NMNAT1: variants seen among roughly 807,000 people sequenced by gnomAD.
NMNAT1 encodes the protein nicotinamide nucleotide adenylyltransferase 1.
In NMNAT1, 11 loss-of-function variants were observed where a neutral mutation model predicts 16.7. That is an observed-to-expected ratio of 0.66 (90% confidence interval 0.41 to 1.09). The LOEUF (loss-of-function observed/expected upper bound fraction) is 1.09, where lower values mean the gene tolerates loss of function less well. Among genes scored for constraint, NMNAT1 ranks in the 50% least tolerant of loss-of-function variants. The pLI, the probability that NMNAT1 is intolerant of heterozygous loss-of-function variation, is 0.00. For missense variants in NMNAT1, 280 were observed against 332.3 expected (o/e 0.84, Z 1.22); for synonymous variants, 110 against 119.8 (o/e 0.92, Z 0.53).
chr1:9,991,169 T>A, the NMNAT1 span, among the ~76,000 whole-genome samples: 3 of 148,802 alleles, frequency 2.0e-5, no homozygotes, highest in Admixed American at 7.1e-5. Context: ...CATATCCTGT[T>A]CTCTTAGTCA....
At chr1:9,968,709 T>C (rs923150533) in intron 1 of NMNAT1, among the ~76,000 whole-genome samples, 27 of 145,368 alleles carry the variant, frequency 1.9e-4, no homozygotes, top group African/African-American at 6.8e-4. Flanking sequence ...AGGCGGAGCT[T>C]GCAGTGAGTC....
intron 1 of NMNAT1, among the ~76,000 whole-genome samples, chr1:9,971,790 C>T (rs1040521574): frequency 6.6e-6 from 1 of 151,904 alleles, no homozygotes; most frequent in Non-Finnish European, 1.5e-5. Context: ...TAGCAAGACC[C>T]CCATCTCTAC....
chr1:9,956,383 C>T (rs1266735035), intron 1 of NMNAT1, among the ~76,000 whole-genome samples: 1 of 148,696 alleles, frequency 6.7e-6, no homozygotes, highest in African/African-American at 2.5e-5. Flanking sequence ...GTTGGCCATG[C>T]TGATCTCGAA....
In NMNAT1 at chr1:9,955,129, G is replaced by A. The variant is rs111305702; in HGVS notation, c.-57+11614G>A. On this transcript the variant is annotated intron_variant, in intron 1 of 4. Transcript: ENST00000377205. ...GTGAAACCCCATCTCTAAGCTGGGC[G>A]CGGTGGCTCACGCCTGTAATCCCAG... 7.7e-3 allele frequency among the ~76,000 whole-genome samples: 1,152 copies of A among 149,984 alleles called. 17 individuals are homozygous for A. The highest frequency in any genetic ancestry group is 0.027 in the African/African-American group (1,108 of 40,822).
At chr1:9,981,785 C>CT (rs1406335902) in intron 4 of NMNAT1, 1 of 154,044 alleles carries the variant, frequency 6.5e-6, no homozygotes, top group Non-Finnish European at 1.4e-5. Context: ...GCAGTGGTCT[C>CT]TAATCTTTGA....
Position 9,982,414 on chromosome 1 carries a change from T to C in NMNAT1, c.553T>C (p.Cys185Arg), listed in dbSNP as rs960609793. ...TQIVANYGLICVTRAGNDAQK... is the reference protein window; with the variant it reads ...TQIVANYGLIRVTRAGNDAQK... Reference sequence around the variant, plus strand: ...AATCGTGGCCAACTATGGGCTCATATGTGTTACTCGGGCTGGAAATGATGC... The same window carrying C: ...AATCGTGGCCAACTATGGGCTCATACGTGTTACTCGGGCTGGAAATGATGC... The change falls in exon 5 of 5, where the codon TGT (cysteine) becomes CGT (arginine). Residue 185 changes from cysteine to arginine, a missense_variant. Transcript: ENST00000377205. 8.1e-6 allele frequency: 13 copies of C among 1,614,050 alleles called. No individual in the cohort carries two copies. Among genetic ancestry groups the C allele is most frequent in the Non-Finnish European group, 1.1e-5 (13 of 1,180,044 alleles).
intron 1 of NMNAT1, among the ~76,000 whole-genome samples, chr1:9,967,118 G>A (rs1482673887): frequency 1.3e-5 from 2 of 152,022 alleles, no homozygotes; most frequent in Non-Finnish European, 2.9e-5. Flanking sequence ...CAGCTACTCA[G>A]GAGGGTGAGG....
chr1:9,990,044 C>T (rs1318964223), downstream of NMNAT1, among the ~76,000 whole-genome samples: 1 of 152,228 alleles, frequency 6.6e-6, no homozygotes, highest in South Asian at 2.1e-4. Context: ...CCTGCCAGCG[C>T]CAAAGTGGCT....
chr1:9,978,122 C>T (rs560019782), intron 3 of NMNAT1, among the ~76,000 whole-genome samples: 18 of 152,164 alleles, frequency 1.2e-4, no homozygotes, highest in Non-Finnish European at 2.4e-4. Flanking sequence ...TTTGGGAGGC[C>T]GAGGTGGGTG....
At chr1:9,988,305 T>G (rs1410150169), downstream of NMNAT1, among the ~76,000 whole-genome samples, 1 of 152,132 alleles carries the variant, frequency 6.6e-6, no homozygotes, top group East Asian at 1.9e-4. Context: ...AAAGTAGTAT[T>G]TTATTTAACA....
At chr1:9,948,584 G>A (rs1354302590) in intron 1 of NMNAT1, among the ~76,000 whole-genome samples, 2 of 151,782 alleles carry the variant, frequency 1.3e-5, no homozygotes, top group African/African-American at 4.8e-5. Flanking sequence ...AAAATGAAGT[G>A]GTATCCAGTC....
intron 1 of NMNAT1, among the ~76,000 whole-genome samples, chr1:9,957,425 A>G (rs571101093): frequency 1.8e-4 from 27 of 151,402 alleles, no homozygotes; most frequent in Admixed American, 9.3e-4. Flanking sequence ...GGTTCAAGCA[A>G]TTCTCCTTCC....
In NMNAT1 at chr1:9,982,683, T is replaced by G; in HGVS notation, c.822T>G (p.Thr274=). The G allele has an allele frequency of 6.2e-7, 1 of 1,610,500 alleles. No individual in the cohort carries two copies. Among genetic ancestry groups the G allele is most frequent in the Non-Finnish European group, 8.5e-7 (1 of 1,178,258 alleles). ...GVILAPLQRN[T]AEAKT ...TCCTGGCCCCTTTGCAGAGAAACAC[T>G]GCAGAAGCTAAGACATAGGAATTCT... The change falls in exon 5 of 5, where the codon ACT becomes ACG. Residue 274 remains threonine (T), a synonymous_variant. Transcript: ENST00000377205.
chr1:9,946,134 T>G (rs1024626029), intron 1 of NMNAT1, among the ~76,000 whole-genome samples: 1 of 152,178 alleles, frequency 6.6e-6, no homozygotes, highest in Non-Finnish European at 1.5e-5. Flanking sequence ...TTCGAAGCAG[T>G]GGAGGTATTT....
intron 2 of NMNAT1, among the ~76,000 whole-genome samples, chr1:9,974,269 AGGCT>A (rs553179850): frequency 1.4e-3 from 208 of 150,750 alleles, no homozygotes; most frequent in Non-Finnish European, 2.3e-3. Flanking sequence ...CTGGCTGGGC[AGGCT>A]GGAGTACAGT....
chr1:9,970,421 G>A (rs781662629), intron 1 of NMNAT1, among the ~76,000 whole-genome samples: 5 of 152,026 alleles, frequency 3.3e-5, no homozygotes, highest in Admixed American at 2.0e-4. Flanking sequence ...TAGGCCAGGC[G>A]CAGTGGCTCA....
At chr1:9,953,840 C>T (rs186029335) in intron 1 of NMNAT1, among the ~76,000 whole-genome samples, 3 of 117,056 alleles carry the variant, frequency 2.6e-5, no homozygotes, top group African/African-American at 3.4e-5. Flanking sequence ...GAGTCTTGCT[C>T]TCTTGCCCAG....
At chr1:9,978,922 T>C (rs76260946) in intron 3 of NMNAT1, among the ~76,000 whole-genome samples, 1,786 of 152,302 alleles carry the variant, frequency 0.012, 12 homozygotes, top group Non-Finnish European at 0.02. Context: ...GGCGTTCTGG[T>C]TCTTTGTCAC....
intron 4 of NMNAT1, 169 bp downstream of exon 4, chr1:9,981,339 A>C: frequency 9.3e-7 from 1 of 1,070,228 alleles, no homozygotes; most frequent in Non-Finnish European, 1.3e-6. Flanking sequence ...GGTTCATGCC[A>C]TTCTCCTGCC....
Sources: gnomAD v4.1 joint callset for allele counts (sites outside exome capture counted in the v4.1 genomes callset) on GRCh38, gnomAD v4.1.1 for gene constraint, MANE v1.5 for transcripts, NCBI Gene and HGNC (gene_info 2026-07-23, HGNC 2026-07-21) for gene names.